CYFIP2: variants seen among roughly 807,000 people sequenced by gnomAD.
The protein encoded by CYFIP2 is cytoplasmic FMR1-interacting protein 2.
A neutral mutation model predicts 158.7 loss-of-function variants in CYFIP2; 29 were observed. The observed-to-expected ratio is 0.18, with a 90% CI of 0.14 to 0.25. The LOEUF is 0.25. CYFIP2 is among the 10% of genes least tolerant of loss of function. The pLI is 1.00. For missense variants in CYFIP2, 852 were observed against 1,639.5 expected (o/e 0.52, Z 8.29); for synonymous variants, 585 against 617.6 (o/e 0.95, Z 0.78).
intron 8 of CYFIP2, among the ~76,000 whole-genome samples, chr5:157,307,004 T>C (rs1457468673): frequency 6.6e-6 from 1 of 152,016 alleles, no homozygotes; most frequent in Non-Finnish European, 1.5e-5. Flanking sequence ...AGAAGTGACT[T>C]TCTCATGGTC....
intron 3 of CYFIP2, among the ~76,000 whole-genome samples, chr5:157,289,944 G>A (rs1011033131): frequency 6.6e-6 from 1 of 152,210 alleles, no homozygotes; most frequent in Non-Finnish European, 1.5e-5. Context: ...AAATAAATTA[G>A]TCAAGATAAT....
intron 27 of CYFIP2, 97 bp downstream of exon 27, chr5:157,382,759 A>G: frequency 7.9e-7 from 1 of 1,270,878 alleles, no homozygotes; most frequent in Non-Finnish European, 1.1e-6. Flanking sequence ...AGCAAGGGGG[A>G]AGGTTAAAGC....
Position 157,274,553 on chromosome 5 carries a change from T to C in CYFIP2, c.-24+8358T>C, listed in dbSNP as rs183382163. ...GAACATCCATGTACAAGTTTTTGTGTGGACCTGTATTTTCATTTCTCTTGG... is the reference window on the plus strand; with the variant it reads ...GAACATCCATGTACAAGTTTTTGTGCGGACCTGTATTTTCATTTCTCTTGG... On this transcript the variant is annotated intron_variant, in intron 1 of 30. Transcript: ENST00000620254. Among the ~76,000 whole-genome samples the C allele has an allele frequency of 4.3e-3, 648 of 152,348 alleles. 5 individuals carry two copies. The highest frequency in any genetic ancestry group is 0.015 in the African/African-American group (611 of 41,578).
At chr5:157,323,243 A>G (rs979390784) in intron 15 of CYFIP2, among the ~76,000 whole-genome samples, 1 of 152,142 alleles carries the variant, frequency 6.6e-6, no homozygotes, top group Non-Finnish European at 1.5e-5. Context: ...TGTAAGTACC[A>G]ATGTTAACCC....
intron 18 of CYFIP2, among the ~76,000 whole-genome samples, chr5:157,327,581 G>A (rs1301219852): frequency 5.3e-5 from 8 of 149,566 alleles, no homozygotes; most frequent in Non-Finnish European, 1.0e-4. Flanking sequence ...AAAAAAAATT[G>A]CAAATCAAAG....
intron 18 of CYFIP2, among the ~76,000 whole-genome samples, chr5:157,327,401 C>T (rs1761109281): frequency 6.6e-6 from 1 of 151,966 alleles, no homozygotes. Context: ...CCCGTCTCTA[C>T]TAAAAATACA....
chr5:157,320,628 T>A lies in CYFIP2; in HGVS notation c.1524-27T>A, dbSNP rs754432874. The A allele has an allele frequency of 5.6e-6, 9 of 1,613,418 alleles. No individual in the cohort carries two copies. In the South Asian group the frequency reaches 8.8e-5, roughly 16 times the overall value. Reference sequence around the variant, plus strand: ...GACGTTTTCCCATGGTGAAACCTGGTCTAAGTCTTAGTTCTTCCTTCCCCA... The same window carrying A: ...GACGTTTTCCCATGGTGAAACCTGGACTAAGTCTTAGTTCTTCCTTCCCCA... On this transcript the variant is annotated intron_variant, in intron 14 of 30. Coordinates refer to ENST00000620254, the MANE Select transcript of CYFIP2 (RefSeq NM_001037333.3).
At chr5:157,374,437 T>C (rs1483075630) in intron 26 of CYFIP2, among the ~76,000 whole-genome samples, 2 of 152,280 alleles carry the variant, frequency 1.3e-5, no homozygotes, top group African/African-American at 4.8e-5. Flanking sequence ...ACTTGCTACA[T>C]AAACTATACC....
At chr5:157,322,006 TAAC>T (rs1760632263) in intron 15 of CYFIP2, among the ~76,000 whole-genome samples, 1 of 152,194 alleles carries the variant, frequency 6.6e-6, no homozygotes, top group Non-Finnish European at 1.5e-5. Flanking sequence ...GGAGGGGACT[TAAC>T]AGGCAGAGAG....
chr5:157,309,766 C>T lies in CYFIP2; in HGVS notation c.924C>T (p.Phe308=), dbSNP rs539257822. The change falls in exon 10 of 31, where the codon TTC becomes TTT. Residue 308 remains phenylalanine (F), a synonymous_variant. Transcript: ENST00000620254. Reference sequence around the variant, plus strand: ...AGCAGCTGCAGGTGGTGCCCCTTTTCGGCGACATGCAGATAGAGCTGGCCA... The same window carrying T: ...AGCAGCTGCAGGTGGTGCCCCTTTTTGGCGACATGCAGATAGAGCTGGCCA... The part of the protein sequence containing the change: ...FFKQLQVVPL[F]GDMQIELARY... The T allele has an allele frequency of 1.0e-5, 16 of 1,606,786 alleles. No homozygotes were observed. Among genetic ancestry groups the T allele is most frequent in the African/African-American group, 9.4e-5 (7 of 74,804 alleles).
At chr5:157,339,457 GTCT>G (rs10551072) in intron 22 of CYFIP2, among the ~76,000 whole-genome samples, 70,325 of 151,788 alleles carry the variant, frequency 0.46, 18,092 homozygotes, top group African/African-American at 0.71. Flanking sequence ...TAACAATTAG[GTCT>G]TCTTTCATTG....
At chr5:157,323,507 G>T (rs994787502) in intron 15 of CYFIP2, among the ~76,000 whole-genome samples, 2 of 152,204 alleles carry the variant, frequency 1.3e-5, no homozygotes, top group Non-Finnish European at 2.9e-5. Context: ...GTTGCCTAAG[G>T]TCACACAGCA....
chr5:157,382,058 C>T (rs758232733), intron 26 of CYFIP2, among the ~76,000 whole-genome samples: 2 of 152,178 alleles, frequency 1.3e-5, no homozygotes, highest in Non-Finnish European at 2.9e-5. Flanking sequence ...AACAAATAAC[C>T]ATTGAAACCA....
In CYFIP2 at chr5:157,371,858, C is replaced by T. The variant is rs555396452; in HGVS notation, c.3039+10260C>T. Among the ~76,000 whole-genome samples, 3 of 152,318 alleles carry T rather than the reference C, an allele frequency of 2.0e-5. No homozygotes were observed. The South Asian group carries it at 6.2e-4, about 32-fold the overall frequency. On this transcript the variant is annotated intron_variant, in intron 26 of 30. Coordinates refer to ENST00000620254, the MANE Select transcript of CYFIP2 (RefSeq NM_001037333.3). ...ACCTTTTTTGCTTTTACTGTCAACA[C>T]AGCAATTTTACAGTAGACAGACTGT...
chr5:157,359,236 A>C, intron 24 of CYFIP2, 88 bp downstream of exon 24: 1 of 1,512,032 alleles, frequency 6.6e-7, no homozygotes, highest in Non-Finnish European at 9.1e-7. Context: ...CTGGCCTGTA[A>C]AAACAAATCC....
At chr5:157,331,807 A>G (rs1263934691) in intron 20 of CYFIP2, among the ~76,000 whole-genome samples, 1 of 152,226 alleles carries the variant, frequency 6.6e-6, no homozygotes, top group Non-Finnish European at 1.5e-5. Flanking sequence ...CAGTTGGTAG[A>G]AAATTGATGC....
At chr5:157,340,138 C>T (rs1018158512) in intron 22 of CYFIP2, among the ~76,000 whole-genome samples, 1 of 152,240 alleles carries the variant, frequency 6.6e-6, no homozygotes, top group African/African-American at 2.4e-5. Flanking sequence ...GAGGTAGAGA[C>T]AAGACCTAAT....
intron 1 of CYFIP2, among the ~76,000 whole-genome samples, chr5:157,278,132 TTTTA>T (rs1472782953): frequency 2.6e-5 from 4 of 151,704 alleles, no homozygotes; most frequent in South Asian, 2.1e-4. Context: ...TAAATCTCCC[TTTTA>T]TTTATTTTTA....
intron 3 of CYFIP2, 150 bp downstream of exon 3, chr5:157,287,258 C>T (rs997950346): frequency 3.4e-6 from 2 of 595,822 alleles, no homozygotes; most frequent in Admixed American, 5.4e-5. Context: ...CTCTTACATT[C>T]TGCGCCATCC....
Sources: gnomAD v4.1 joint callset for allele counts (sites outside exome capture counted in the v4.1 genomes callset) on GRCh38, gnomAD v4.1.1 for gene constraint, MANE v1.5 for transcripts, NCBI Gene and HGNC (gene_info 2026-07-23, HGNC 2026-07-21) for gene names.